CYP2C18: variants seen among roughly 807,000 people sequenced by gnomAD.
CYP2C18 encodes cytochrome P450 2C18.
A neutral mutation model predicts 41.3 loss-of-function variants in CYP2C18; 38 were observed. The observed-to-expected ratio is 0.92, with a 90% CI of 0.71 to 1.21. The LOEUF is 1.21. Among genes scored for constraint, CYP2C18 ranks in the 50% most tolerant of loss-of-function variants. The probability of loss-of-function intolerance (pLI) is 0.00; values close to 1 mark genes in which losing one functional copy is unlikely to be tolerated. For missense variants in CYP2C18, 635 were observed against 591.4 expected, an observed-to-expected ratio of 1.07 and a Z score of -0.77; for synonymous variants, 236 against 210.0, an observed-to-expected ratio of 1.12 and a Z score of -1.07.
At chr10:94,707,014 C>T (rs17441942) in intron 5 of CYP2C18, 54 bp downstream of exon 5, 31,855 of 1,499,850 alleles carry the variant, frequency 0.021, 453 homozygotes, top group Non-Finnish European at 0.023. Flanking sequence ...AGTTCTATAA[C>T]GATTGCTTAA....
intron 4 of CYP2C18, among the ~76,000 whole-genome samples, chr10:94,695,693 A>C: frequency 6.6e-6 from 1 of 151,798 alleles, no homozygotes; most frequent in African/African-American, 2.4e-5. Context: ...GCATTGCCTC[A>C]CCCGGGAAGC....
chr10:94,724,607 T>G, intron 7 of CYP2C18, 74 bp downstream of exon 7: 1 of 1,328,552 alleles, frequency 7.5e-7, no homozygotes, highest in South Asian at 1.2e-5. Flanking sequence ...CCCAATCCTC[T>G]AACAACACAT....
At chr10:94,725,736 C>A (rs1242349863) in intron 7 of CYP2C18, among the ~76,000 whole-genome samples, 1 of 151,886 alleles carries the variant, frequency 6.6e-6, no homozygotes, top group Admixed American at 6.6e-5. Flanking sequence ...TTTGTCCTGT[C>A]TATAGATATA....
chr10:94,716,344 A>C (rs909912161), intron 5 of CYP2C18, among the ~76,000 whole-genome samples: 3 of 152,058 alleles, frequency 2.0e-5, no homozygotes, highest in Non-Finnish European at 2.9e-5. Flanking sequence ...CCCTCTACAC[A>C]CTGCTTTAAA....
intron 3 of CYP2C18, among the ~76,000 whole-genome samples, chr10:94,690,688 A>G (rs1387243335): frequency 6.6e-6 from 1 of 152,214 alleles, no homozygotes; most frequent in Non-Finnish European, 1.5e-5. Context: ...GGGCAGCATC[A>G]TCCTGATACC....
At chr10:94,729,331 A>G (rs983283679) in intron 7 of CYP2C18, among the ~76,000 whole-genome samples, 2 of 152,174 alleles carry the variant, frequency 1.3e-5, no homozygotes, top group Admixed American at 6.6e-5. Context: ...ACCTGGCCAC[A>G]GGTCTTTGAG....
intron 5 of CYP2C18, 61 bp downstream of exon 5, chr10:94,707,021 TTAAA>T (rs1847357216): frequency 1.4e-6 from 2 of 1,460,108 alleles, no homozygotes; most frequent in South Asian, 1.2e-5. Flanking sequence ...TAACGATTGC[TTAAA>T]TAGTGAGGCA....
chr10:94,711,860 G>C (rs1847441110), intron 5 of CYP2C18, among the ~76,000 whole-genome samples: 1 of 150,792 alleles, frequency 6.6e-6, no homozygotes, highest in Non-Finnish European at 1.5e-5. Context: ...TTTTGTTTTA[G>C]AGGCAGAATC....
intron 7 of CYP2C18, among the ~76,000 whole-genome samples, chr10:94,729,139 A>C (rs1326752152): frequency 6.6e-6 from 1 of 152,150 alleles, no homozygotes; most frequent in African/African-American, 2.4e-5. Flanking sequence ...CAGTATGAAG[A>C]GAGGGCAACC....
chr10:94,708,884 A>G (rs908522322), intron 5 of CYP2C18, among the ~76,000 whole-genome samples: 1 of 152,208 alleles, frequency 6.6e-6, no homozygotes, highest in Non-Finnish European at 1.5e-5. Context: ...TTCAAGGTTC[A>G]TTGACATAGC....
At chr10:94,728,588 C>A in intron 7 of CYP2C18, 2 of 952,924 alleles carry the variant, frequency 2.1e-6, no homozygotes, top group Non-Finnish European at 2.5e-6. Context: ...AGTTCCCCCA[C>A]GTGTTTTAAC....
intron 5 of CYP2C18, among the ~76,000 whole-genome samples, chr10:94,707,255 A>G (rs746572205): frequency 2.0e-5 from 3 of 152,224 alleles, no homozygotes; most frequent in East Asian, 1.9e-4. Flanking sequence ...GAAGGTGGAC[A>G]TGGTCATATC....
intron 6 of CYP2C18, among the ~76,000 whole-genome samples, chr10:94,722,599 C>A (rs999966632): frequency 6.6e-5 from 10 of 152,062 alleles, no homozygotes; most frequent in African/African-American, 2.4e-4. Context: ...GCTGAGTATT[C>A]AAAAGAACCA....
chr10:94,701,082 A>G (rs1224299412), intron 4 of CYP2C18, among the ~76,000 whole-genome samples: 1 of 152,196 alleles, frequency 6.6e-6, no homozygotes, highest in Non-Finnish European at 1.5e-5. Flanking sequence ...TGATCTAGAA[A>G]TAGAAGTACC....
rs955355138 is a variant in CYP2C18 at position 94,735,936 on chromosome 10, T to G, written c.*492T>G. The G allele has an allele frequency of 6.5e-6, 1 of 153,728 alleles. No individual in the cohort carries two copies. Among genetic ancestry groups the G allele is most frequent in the African/African-American group, 2.4e-5 (1 of 41,346 alleles). The allele number at this position is 153,728 out of a possible 1,614,324, so 9.5% of individuals were successfully genotyped here. On this transcript the variant is annotated 3_prime_UTR_variant, in exon 9 of 9. Transcript: ENST00000285979. ...ACAAAAAGGGAGAAAGGTAAGAGGG[T>G]AGGAAAGCTGTTTTAGCTAAATGCC...
chr10:94,688,004 T>C (rs1167594633), intron 2 of CYP2C18, 72 bp downstream of exon 2: 1 of 1,593,404 alleles, frequency 6.3e-7, no homozygotes, highest in African/African-American at 1.3e-5. Flanking sequence ...ATGGGGAGGA[T>C]GGAAAACAGG....
intron 8 of CYP2C18, 70 bp from the exon 9 acceptor site, chr10:94,735,193 C>G: frequency 7.1e-7 from 1 of 1,417,764 alleles, no homozygotes; most frequent in South Asian, 1.2e-5. Context: ...CAAATAGTTA[C>G]TGCATACTCT....
chr10:94,726,769 A>C (rs774926672), intron 7 of CYP2C18, among the ~76,000 whole-genome samples: 2 of 152,070 alleles, frequency 1.3e-5, no homozygotes, highest in Non-Finnish European at 2.9e-5. Context: ...GTGCCTTCTA[A>C]CACATGGTTT....
chr10:94,695,473 C>A (rs1212226033), intron 4 of CYP2C18, among the ~76,000 whole-genome samples: 2 of 152,166 alleles, frequency 1.3e-5, no homozygotes, highest in Non-Finnish European at 2.9e-5. Context: ...GACATGAACT[C>A]TCTCAGCATT....
Sources: gnomAD v4.1 joint callset for allele counts (sites outside exome capture counted in the v4.1 genomes callset) on GRCh38, gnomAD v4.1.1 for gene constraint, MANE v1.5 for transcripts, NCBI Gene and HGNC (gene_info 2026-07-23, HGNC 2026-07-21) for gene names.